Variants in PGM5 observed in about 807,000 individuals in gnomAD.
The protein encoded by PGM5 is phosphoglucomutase 5, also known as phosphoglucomutase-like protein 5.
A neutral mutation model predicts 59.2 loss-of-function variants in PGM5; 23 were observed. That is an observed-to-expected ratio of 0.39 (90% CI 0.28 to 0.55). PGM5 has a LOEUF of 0.55. Among genes scored for constraint, PGM5 ranks in the 20% least tolerant of loss-of-function variants. PGM5 has a pLI of 0.66. For synonymous variants in PGM5, 214 were observed against 286.0 expected (o/e 0.75, Z 2.54); for missense variants, 574 against 748.3 (o/e 0.77, Z 2.72).
At chr9:68,414,174 G>A (rs182360984) in intron 6 of PGM5, among the ~76,000 whole-genome samples, 1 of 152,300 alleles carries the variant, frequency 6.6e-6, no homozygotes, top group East Asian at 1.9e-4. Flanking sequence ...CAGCCTGAGG[G>A]CCTCACCAGA....
chr9:68,489,713 C>A (rs1339126512), intron 9 of PGM5, among the ~76,000 whole-genome samples: 1 of 152,058 alleles, frequency 6.6e-6, no homozygotes, highest in Non-Finnish European at 1.5e-5. Context: ...GTGATCCGCC[C>A]ACCTCGGCCT....
chr9:68,495,627 G>A (rs1432816096), intron 9 of PGM5, among the ~76,000 whole-genome samples: 1 of 152,168 alleles, frequency 6.6e-6, no homozygotes, highest in African/African-American at 2.4e-5. Flanking sequence ...AAACTAAAGT[G>A]CAATTTAATA....
intron 6 of PGM5, among the ~76,000 whole-genome samples, chr9:68,451,619 A>C (rs782783318): frequency 2.6e-5 from 4 of 152,228 alleles, no homozygotes; most frequent in African/African-American, 4.8e-5. Flanking sequence ...ACACAATTGG[A>C]AAAAATAAAA....
At chr9:68,434,334 A>G (rs1469187184) in intron 6 of PGM5, among the ~76,000 whole-genome samples, 56 of 135,698 alleles carry the variant, frequency 4.1e-4, no homozygotes, top group Admixed American at 9.0e-4. Context: ...AAAAAAAAAA[A>G]AAAAAGAAAA....
At chr9:68,374,881 TG>T (rs1395177702) in intron 1 of PGM5, among the ~76,000 whole-genome samples, 1 of 152,212 alleles carries the variant, frequency 6.6e-6, no homozygotes, top group Non-Finnish European at 1.5e-5. Context: ...GAAAATTAGA[TG>T]GTAATATGTG....
At chr9:68,509,731 G>A (rs958583347) in intron 10 of PGM5, among the ~76,000 whole-genome samples, 1 of 152,136 alleles carries the variant, frequency 6.6e-6, no homozygotes, top group Non-Finnish European at 1.5e-5. Flanking sequence ...GGATTAGCTT[G>A]TTTGAATAAT....
intron 6 of PGM5, among the ~76,000 whole-genome samples, chr9:68,409,425 C>T (rs113313568): frequency 0.18 from 22,583 of 126,796 alleles, 1,479 homozygotes; most frequent in South Asian, 0.28. Context: ...CACATGCACA[C>T]GTATGTTTAT....
At chr9:68,513,079 T>C (rs1824776701) in intron 10 of PGM5, among the ~76,000 whole-genome samples, 2 of 152,280 alleles carry the variant, frequency 1.3e-5, no homozygotes, top group South Asian at 4.1e-4. Context: ...ACACGTTATT[T>C]ACAATTTCTG....
At position 68,525,514 on chromosome 9, in the gene PGM5, G is replaced by T. The variant is rs541099629; in HGVS notation, c.1615-4053G>T. 2.0e-5 allele frequency among the ~76,000 whole-genome samples: 3 copies of T among 152,274 alleles called. No individual in the cohort carries two copies. The South Asian group carries it at 6.2e-4, about 32-fold the overall frequency. On this transcript the variant is annotated intron_variant, in intron 10 of 10. Transcript: ENST00000396396. ...ACATGGCACTTGATATTGATGTTGC[G>T]AATCAACTAGGGGAAATGATTGATA... is the stretch of plus-strand genomic sequence containing the variant.
chr9:68,434,294 G>A (rs1587808753), intron 6 of PGM5, among the ~76,000 whole-genome samples: 3 of 129,842 alleles, frequency 2.3e-5, no homozygotes, highest in South Asian at 2.5e-4. Flanking sequence ...TCCAGCCTGG[G>A]CAACAGAGTG....
At chr9:68,505,680 C>T (rs1564024596) in intron 10 of PGM5, among the ~76,000 whole-genome samples, 1 of 152,158 alleles carries the variant, frequency 6.6e-6, no homozygotes, top group Non-Finnish European at 1.5e-5. Flanking sequence ...CTTCCATGCC[C>T]TCTCTGGGTA....
intron 3 of PGM5, among the ~76,000 whole-genome samples, chr9:68,386,077 G>A (rs1255929461): frequency 6.6e-6 from 1 of 151,522 alleles, no homozygotes; most frequent in Non-Finnish European, 1.5e-5. Flanking sequence ...ACATTTGTTT[G>A]GTACTGTGTG....
intron 7 of PGM5, among the ~76,000 whole-genome samples, chr9:68,470,474 T>C (rs781952730): frequency 5.9e-5 from 9 of 152,256 alleles, no homozygotes; most frequent in Non-Finnish European, 1.0e-4. Context: ...TAACTGAAGA[T>C]TGGGTTCACA....
chr9:68,439,286 A>G (rs1478680350), intron 6 of PGM5, among the ~76,000 whole-genome samples: 1 of 151,694 alleles, frequency 6.6e-6, no homozygotes, highest in Non-Finnish European at 1.5e-5. Context: ...GATTTCTTGA[A>G]CACAGGAGGG....
intron 1 of PGM5, among the ~76,000 whole-genome samples, chr9:68,360,374 T>G (rs1438831863): frequency 6.6e-6 from 1 of 151,106 alleles, no homozygotes; most frequent in Admixed American, 6.6e-5. Flanking sequence ...CATTATAAAT[T>G]TAAACAACTT....
At chr9:68,505,453 G>A (rs1824638986) in intron 10 of PGM5, among the ~76,000 whole-genome samples, 1 of 152,230 alleles carries the variant, frequency 6.6e-6, no homozygotes, top group Non-Finnish European at 1.5e-5. Flanking sequence ...AATGCCAGCT[G>A]CAAATGGGGT....
intron 9 of PGM5, among the ~76,000 whole-genome samples, chr9:68,496,480 T>A (rs1824484758): frequency 6.6e-6 from 1 of 152,276 alleles, no homozygotes; most frequent in Admixed American, 6.5e-5. Context: ...GCAACATGGA[T>A]TCTCAGTTAA....
intron 2 of PGM5, among the ~76,000 whole-genome samples, chr9:68,379,026 C>T (rs1821997689): frequency 1.3e-5 from 2 of 152,202 alleles, no homozygotes; most frequent in South Asian, 4.1e-4. Flanking sequence ...CAAATTATAG[C>T]ACGAGAACAT....
At chr9:68,397,556 C>T (rs1822542495) in intron 6 of PGM5, 1 of 152,216 alleles carries the variant, frequency 6.6e-6, no homozygotes, top group Admixed American at 6.5e-5. Flanking sequence ...TATGCCACCC[C>T]TATGGTTCAC....
Sources: allele counts gnomAD v4.1 joint callset (sites outside exome capture counted in the v4.1 genomes callset), GRCh38; gene constraint gnomAD v4.1.1; transcripts MANE v1.5; gene names NCBI Gene and HGNC (gene_info 2026-07-23, HGNC 2026-07-21).